The following GAN variants were observed in gnomAD, a reference collection of about 807,000 sequenced individuals.
The protein encoded by GAN is gigaxonin.
In GAN, 48 loss-of-function variants were observed where a neutral mutation model predicts 71.3. The ratio of observed to expected loss-of-function variants is 0.67; its 90% CI spans 0.53 to 0.86. The LOEUF is 0.86. Among genes scored for constraint, GAN ranks in the 40% least tolerant of loss-of-function variants. The pLI is 0.00. For missense variants in GAN, 928 were observed against 770.1 expected (o/e 1.21, Z -2.43); for synonymous variants, 386 against 276.8 (o/e 1.39, Z -3.92).
chr16:81,362,483 C>T lies in GAN; in HGVS notation c.974-16C>T, dbSNP rs2150690176. On this transcript the variant is annotated splice_polypyrimidine_tract_variant and intron_variant, in intron 5 of 10. Coordinates refer to ENST00000648994, the MANE Select transcript of GAN (RefSeq NM_022041.4). ...AGACTCACATTTCATATTTGTGTTT[C>T]CTTTGATCTTTGCAGAAGGATTTTT... The T allele has an allele frequency of 2.2e-6, 3 of 1,353,438 alleles. No homozygotes were observed. In the South Asian group the frequency reaches 3.5e-5, roughly 16 times the overall value. 83.8% of individuals were successfully genotyped at this position (1,353,438 alleles called of 1,614,324 possible).
chr16:81,344,291 C>T (rs1910043483), intron 1 of GAN, among the ~76,000 whole-genome samples: 2 of 152,148 alleles, frequency 1.3e-5, no homozygotes, highest in African/African-American at 2.4e-5. Flanking sequence ...AAAAAAGAGC[C>T]CGCATAGCCA....
intron 9 of GAN, among the ~76,000 whole-genome samples, chr16:81,372,880 G>A (rs947027003): frequency 3.3e-5 from 5 of 152,196 alleles, no homozygotes; most frequent in Admixed American, 2.6e-4. Context: ...CAAGCTTTTA[G>A]ATTTTTCCCT....
In GAN at chr16:81,315,362, A is replaced by G. The variant is rs897224091; in HGVS notation, c.167+82A>G. On this transcript the variant is annotated intron_variant, in intron 1 of 10. Coordinates refer to ENST00000648994, the MANE Select transcript of GAN (RefSeq NM_022041.4). ...GGCGGCCGGGCCGGGCGTGGCCCCC[A>G]GACCCTGTCCCCTGTCCCCGGCGCC... 1.3e-5 allele frequency: 14 copies of G among 1,045,140 alleles called. No individual in the cohort carries two copies. The African/African-American group carries it at 2.0e-4, about 15-fold the overall frequency. The allele number at this position is 1,045,140 out of a possible 1,614,324, so 64.7% of individuals were successfully genotyped here.
intron 9 of GAN, among the ~76,000 whole-genome samples, chr16:81,366,325 T>TCA (rs775376945): frequency 2.6e-5 from 4 of 152,242 alleles, no homozygotes; most frequent in Non-Finnish European, 4.4e-5. Context: ...AGGCTTGATT[T>TCA]CTGAGATTCT....
At chr16:81,369,548 T>A (rs922811524) in intron 9 of GAN, among the ~76,000 whole-genome samples, 1 of 152,270 alleles carries the variant, frequency 6.6e-6, no homozygotes, top group Non-Finnish European at 1.5e-5. Context: ...TTTCTTTTAC[T>A]CTTTTCTAGC....
At chr16:81,367,183 G>A (rs1156866064) in intron 9 of GAN, among the ~76,000 whole-genome samples, 1 of 152,136 alleles carries the variant, frequency 6.6e-6, no homozygotes, top group East Asian at 1.9e-4. Context: ...CTTGCTTTAA[G>A]TTCATAATAA....
intron 5 of GAN, among the ~76,000 whole-genome samples, chr16:81,359,448 GTTT>G (rs1283327503): frequency 7.8e-6 from 1 of 127,396 alleles, no homozygotes; most frequent in Non-Finnish European, 1.8e-5. Context: ...GATTTTGACT[GTTT>G]TTTTGTCATT....
Position 81,356,778 on chromosome 16 carries a change from T to C in GAN, c.634-7T>C. On this transcript the variant is annotated splice_polypyrimidine_tract_variant and splice_region_variant and intron_variant, in intron 3 of 10. Coordinates refer to ENST00000648994, the MANE Select transcript of GAN (RefSeq NM_022041.4). ...TTTTCGCCCCATCTTTCTTCCCTCT[T>C]CTGCAGGTCCACATGAAGGATGTTA... The C allele has an allele frequency of 6.3e-7, 1 of 1,593,536 alleles. No individual in the cohort carries two copies. The highest frequency in any genetic ancestry group is 8.6e-7 in the Non-Finnish European group (1 of 1,161,166).
At chr16:81,357,386 T>C (rs1216516623) in intron 4 of GAN, among the ~76,000 whole-genome samples, 1 of 152,210 alleles carries the variant, frequency 6.6e-6, no homozygotes, top group Admixed American at 6.5e-5. Context: ...GATAGTTTAC[T>C]GAGAATGATG....
intron 1 of GAN, among the ~76,000 whole-genome samples, chr16:81,347,263 C>T (rs1007008635): frequency 2.0e-5 from 3 of 152,158 alleles, no homozygotes; most frequent in African/African-American, 7.2e-5. Flanking sequence ...TCACTGGAAA[C>T]TGTACGGGCA....
intron 9 of GAN, among the ~76,000 whole-genome samples, chr16:81,365,886 A>G (rs1910841116): frequency 6.6e-6 from 1 of 152,036 alleles, no homozygotes; most frequent in Non-Finnish European, 1.5e-5. Context: ...CTGTTCTCCA[A>G]AGAAAAATAA....
chr16:81,351,824 G>C (rs16955113), intron 2 of GAN, 127 bp downstream of exon 2: 14,979 of 721,636 alleles, frequency 0.021, 364 homozygotes, highest in East Asian at 0.095. Context: ...TGTGTGCATT[G>C]ACTGACATTT....
chr16:81,340,890 G>C (rs80299950), intron 1 of GAN, among the ~76,000 whole-genome samples: 3,205 of 151,934 alleles, frequency 0.021, 57 homozygotes, highest in East Asian at 0.082. Flanking sequence ...ATCGAAAAGC[G>C]TTCAAAAAGG....
At chr16:81,330,022 C>T (rs1909520045) in intron 1 of GAN, among the ~76,000 whole-genome samples, 1 of 152,176 alleles carries the variant, frequency 6.6e-6, no homozygotes, top group South Asian at 2.1e-4. Flanking sequence ...GATATCATCA[C>T]CTCGCTCACT....
intron 1 of GAN, among the ~76,000 whole-genome samples, chr16:81,345,885 C>G (rs1283841271): frequency 1.3e-5 from 2 of 152,220 alleles, no homozygotes; most frequent in Admixed American, 6.5e-5. Flanking sequence ...CGTTCCACCT[C>G]AGATCATCAG....
chr16:81,376,636 ATGTGTGTATATATGTG>A (rs1220582646), intron 9 of GAN, among the ~76,000 whole-genome samples: 1 of 16,348 alleles, frequency 6.1e-5, no homozygotes, highest in Non-Finnish European at 1.2e-4. Context: ...ACATACATAT[ATGTGTGTATATATGTG>A]TGTATATATG....
chr16:81,376,156 A>G (rs189916064), intron 9 of GAN, among the ~76,000 whole-genome samples: 1 of 152,108 alleles, frequency 6.6e-6, no homozygotes, highest in African/African-American at 2.4e-5. Context: ...GTGCAAAATT[A>G]TGGCACAAAG....
chr16:81,342,367 G>A (rs975501289), intron 1 of GAN, among the ~76,000 whole-genome samples: 2 of 152,132 alleles, frequency 1.3e-5, no homozygotes, highest in Non-Finnish European at 2.9e-5. Context: ...TTCTAAAATT[G>A]ACCACATAAT....
At position 81,377,263 on chromosome 16, in the gene GAN, C is replaced by A; in HGVS notation, c.1547C>A (p.Ser516Tyr). ...CAGAATTTATGCATCCCCGCCAGTTCCTCTTTTGTTTATGGAGCTGTACCT... is the reference window on the plus strand; with the variant it reads ...CAGAATTTATGCATCCCCGCCAGTTACTCTTTTGTTTATGGAGCTGTACCT... Reference protein sequence around the residue: ...NDQNLCIPASSSFVYGAVPIG... With the variant: ...NDQNLCIPASYSFVYGAVPIG... Residue 516 changes from serine (S) to tyrosine (Y), a missense_variant, in exon 10 of 11, where the codon TCC becomes TAC. Transcript: ENST00000648994. The A allele has an allele frequency of 6.2e-7, 1 of 1,612,310 alleles. No homozygotes were observed. Among genetic ancestry groups the A allele is most frequent in the Non-Finnish European group, 8.5e-7 (1 of 1,178,408 alleles).
Sources: gnomAD v4.1 joint callset for allele counts (sites outside exome capture counted in the v4.1 genomes callset) on GRCh38, gnomAD v4.1.1 for gene constraint, MANE v1.5 for transcripts, NCBI Gene and HGNC (gene_info 2026-07-23, HGNC 2026-07-21) for gene names.